ATG10: variants seen among roughly 807,000 people sequenced by gnomAD.
The protein encoded by ATG10 is ubiquitin-like-conjugating enzyme ATG10.
In ATG10, 30 loss-of-function variants were observed where a neutral mutation model predicts 32.1. The observed-to-expected ratio is 0.94, with a 90% CI of 0.70 to 1.27. The LOEUF (loss-of-function observed/expected upper bound fraction) is 1.27, where lower values mean the gene tolerates loss of function less well. ATG10 is among the 50% of genes most tolerant of loss of function. The pLI, the probability that ATG10 is intolerant of heterozygous loss-of-function variation, is 0.00. For missense variants in ATG10, 233 were observed against 262.3 expected, an observed-to-expected ratio of 0.89 and a Z score of 0.77; for synonymous variants, 87 against 91.5, an observed-to-expected ratio of 0.95 and a Z score of 0.28.
chr5:82,141,679 T>C (rs377693914), intron 3 of ATG10, among the ~76,000 whole-genome samples: 1 of 152,096 alleles, frequency 6.6e-6, no homozygotes. Context: ...ATAATGAGTA[T>C]ATAAAATTTA....
At chr5:82,165,350 G>A (rs886393262) in intron 4 of ATG10, among the ~76,000 whole-genome samples, 2 of 152,206 alleles carry the variant, frequency 1.3e-5, no homozygotes, top group Non-Finnish European at 2.9e-5. Context: ...TTTCTGGATA[G>A]CTAAGACATC....
chr5:81,988,576 G>A (rs772516174), intron 2 of ATG10, among the ~76,000 whole-genome samples: 54 of 151,882 alleles, frequency 3.6e-4, no homozygotes, highest in Admixed American at 1.0e-3. Flanking sequence ...TGGGACTATA[G>A]GCACACACCA....
At chr5:81,972,749 A>G (rs1760760062) in intron 1 of ATG10, among the ~76,000 whole-genome samples, 1 of 152,146 alleles carries the variant, frequency 6.6e-6, no homozygotes, top group South Asian at 2.1e-4. Context: ...TAGAGCCAAC[A>G]GGTCTTTCTT....
chr5:82,052,849 T>C (rs1763473722), intron 2 of ATG10, among the ~76,000 whole-genome samples: 1 of 152,210 alleles, frequency 6.6e-6, no homozygotes, highest in South Asian at 2.1e-4. Flanking sequence ...TATCCCATTA[T>C]TTGGACATAA....
At chr5:82,077,261 T>G (rs1764307968) in intron 3 of ATG10, among the ~76,000 whole-genome samples, 1 of 152,156 alleles carries the variant, frequency 6.6e-6, no homozygotes, top group Non-Finnish European at 1.5e-5. Context: ...AGGCAGAGAT[T>G]GCAGTGAGCA....
At chr5:82,163,552 C>T (rs553172165) in intron 3 of ATG10, among the ~76,000 whole-genome samples, 21 of 152,232 alleles carry the variant, frequency 1.4e-4, no homozygotes, top group African/African-American at 5.1e-4. Context: ...AACCAACCTG[C>T]TTCATTCCTT....
chr5:82,220,805 A>G (rs563006834), intron 5 of ATG10, among the ~76,000 whole-genome samples: 1 of 148,222 alleles, frequency 6.7e-6, no homozygotes, highest in South Asian at 2.1e-4. Flanking sequence ...TTTGTTGCCC[A>G]GGCTGGAGTA....
intron 5 of ATG10, among the ~76,000 whole-genome samples, chr5:82,252,072 C>G (rs1422990128): frequency 6.6e-6 from 1 of 152,208 alleles, no homozygotes; most frequent in Non-Finnish European, 1.5e-5. Context: ...GAACATGTGC[C>G]CACTGGCACT....
chr5:82,189,701 G>A (rs1309505318), intron 5 of ATG10, among the ~76,000 whole-genome samples: 1 of 152,148 alleles, frequency 6.6e-6, no homozygotes, highest in Non-Finnish European at 1.5e-5. Flanking sequence ...TCGGCTGACT[G>A]TAACCTCCGC....
At chr5:82,216,504 G>T (rs1745684916) in intron 5 of ATG10, among the ~76,000 whole-genome samples, 1 of 152,126 alleles carries the variant, frequency 6.6e-6, no homozygotes, top group Non-Finnish European at 1.5e-5. Context: ...CACAATAATA[G>T]TATTGTTTTA....
At chr5:82,015,298 A>T (rs1156945865) in intron 2 of ATG10, among the ~76,000 whole-genome samples, 1 of 152,062 alleles carries the variant, frequency 6.6e-6, no homozygotes, top group Non-Finnish European at 1.5e-5. Context: ...TCTGACAATG[A>T]TGTGTTGTGG....
At chr5:82,051,247 G>C (rs149074465) in intron 2 of ATG10, among the ~76,000 whole-genome samples, 302 of 152,204 alleles carry the variant, frequency 2.0e-3, no homozygotes, top group Non-Finnish European at 3.4e-3. Context: ...AATCGAGGGG[G>C]TGCTAGCCTC....
intron 5 of ATG10, among the ~76,000 whole-genome samples, chr5:82,239,057 C>T (rs1041642891): frequency 6.6e-6 from 1 of 152,184 alleles, no homozygotes; most frequent in African/African-American, 2.4e-5. Flanking sequence ...TCCTAACCAT[C>T]TCCTCAAATC....
intron 3 of ATG10, among the ~76,000 whole-genome samples, chr5:82,086,430 T>C (rs1351313205): frequency 2.0e-5 from 3 of 152,178 alleles, no homozygotes; most frequent in Non-Finnish European, 2.9e-5. Context: ...AGGGATATAT[T>C]TGGCACCTCA....
chr5:82,164,280 C>T, intron 3 of ATG10, 119 bp from the exon 4 acceptor site: 3 of 1,028,954 alleles, frequency 2.9e-6, no homozygotes, highest in Non-Finnish European at 4.3e-6. Flanking sequence ...TTCCTTGCCT[C>T]ATAGCCTTAT....
rs60225104 is a variant in ATG10, at chr5:82,010,561, C to T, written c.108+22883C>T. Among the ~76,000 whole-genome samples the T allele has an allele frequency of 5.5e-4, 84 of 152,094 alleles. 1 individual carries two copies. The East Asian group carries it at 0.014, about 26-fold the overall frequency. ...GTCGATCCATGATAGGATAAAATAG[C>T]GATAGATTTAGCTTTATTTAGAGAG... On this transcript the variant is annotated intron_variant, in intron 2 of 7. Transcript: ENST00000282185.
intron 3 of ATG10, among the ~76,000 whole-genome samples, chr5:82,110,338 T>C (rs937416063): frequency 2.6e-5 from 4 of 152,164 alleles, no homozygotes; most frequent in African/African-American, 9.7e-5. Flanking sequence ...CTGGGTCAAA[T>C]GGTATTTCTA....
intron 3 of ATG10, 139 bp downstream of exon 3, chr5:82,058,741 T>C: frequency 1.8e-6 from 1 of 542,398 alleles, no homozygotes; most frequent in Non-Finnish European, 3.3e-6. Flanking sequence ...TAAAATACTT[T>C]AATTCTGTTA....
intron 2 of ATG10, among the ~76,000 whole-genome samples, chr5:82,051,495 C>T (rs1763423337): frequency 6.6e-6 from 1 of 152,104 alleles, no homozygotes. Flanking sequence ...TGTATTATCT[C>T]CTTATTTTCT....
Sources: allele counts gnomAD v4.1 joint callset (sites outside exome capture counted in the v4.1 genomes callset), GRCh38; gene constraint gnomAD v4.1.1; transcripts MANE v1.5; gene names NCBI Gene and HGNC (gene_info 2026-07-23, HGNC 2026-07-21).